The following CTNND2 variants were observed in gnomAD, a reference collection of about 807,000 sequenced individuals.
CTNND2 encodes the protein catenin delta-2.
A neutral mutation model predicts 144.4 loss-of-function variants in CTNND2; 22 were observed. The ratio of observed to expected loss-of-function variants is 0.15; its 90% CI spans 0.11 to 0.22. The LOEUF is 0.22. CTNND2 is among the 10% of genes least tolerant of loss of function. The pLI, the probability that CTNND2 is intolerant of heterozygous loss-of-function variation, is 1.00. For synonymous variants in CTNND2, 751 were observed against 695.6 expected, an observed-to-expected ratio of 1.08 and a Z score of -1.25; for missense variants, 1,353 against 1,618.8, an observed-to-expected ratio of 0.84 and a Z score of 2.82.
At chr5:10,998,123 T>A (rs934909972) in intron 18 of CTNND2, among the ~76,000 whole-genome samples, 7 of 152,294 alleles carry the variant, frequency 4.6e-5, no homozygotes, top group Middle Eastern at 6.8e-3. Flanking sequence ...ACTCAAAAAA[T>A]TTTCAAATCC....
intron 1 of CTNND2, among the ~76,000 whole-genome samples, chr5:11,858,975 T>G (rs758832295): frequency 1.3e-5 from 2 of 152,186 alleles, no homozygotes; most frequent in Non-Finnish European, 2.9e-5. Flanking sequence ...CTAGCTAATA[T>G]GTCACAAACT....
chr5:11,731,558 A>G (rs967717001), intron 2 of CTNND2, among the ~76,000 whole-genome samples: 15 of 152,216 alleles, frequency 9.9e-5, no homozygotes, highest in Admixed American at 5.9e-4. Context: ...CATGACTTTT[A>G]TAAAGTGACG....
At chr5:11,602,455 G>T (rs1040310186) in intron 2 of CTNND2, among the ~76,000 whole-genome samples, 1 of 151,654 alleles carries the variant, frequency 6.6e-6, no homozygotes, top group African/African-American at 2.4e-5. Flanking sequence ...CCTCTTGGCA[G>T]TTGAAGCAAG....
At chr5:11,228,634 C>G (rs889933644) in intron 10 of CTNND2, among the ~76,000 whole-genome samples, 4 of 151,874 alleles carry the variant, frequency 2.6e-5, no homozygotes, top group African/African-American at 9.7e-5. Context: ...TACAGTGGGG[C>G]ACCACCATGC....
intron 18 of CTNND2, among the ~76,000 whole-genome samples, chr5:11,009,556 G>C (rs2149522445): frequency 6.6e-6 from 1 of 152,364 alleles, no homozygotes; most frequent in African/African-American, 2.4e-5. Context: ...TAAGTGAGAA[G>C]AATGGATGTA....
intron 7 of CTNND2, among the ~76,000 whole-genome samples, chr5:11,377,572 A>G (rs990042064): frequency 6.6e-6 from 1 of 152,190 alleles, no homozygotes; most frequent in African/African-American, 2.4e-5. Context: ...CTTTCACAGA[A>G]TTCTATATAA....
At chr5:11,198,921 C>A (rs7719470) in intron 11 of CTNND2, among the ~76,000 whole-genome samples, 5,077 of 152,332 alleles carry the variant, frequency 0.033, 134 homozygotes, top group South Asian at 0.053. Flanking sequence ...CTCCATTTTA[C>A]TAAGCCCAAA....
intron 2 of CTNND2, among the ~76,000 whole-genome samples, chr5:11,704,552 G>A (rs1292338041): frequency 6.6e-6 from 1 of 152,120 alleles, no homozygotes; most frequent in African/African-American, 2.4e-5. Flanking sequence ...AGTTTCCAGA[G>A]GATGTTCTAG....
At chr5:11,859,378 G>A (rs1795398312) in intron 1 of CTNND2, among the ~76,000 whole-genome samples, 1 of 152,128 alleles carries the variant, frequency 6.6e-6, no homozygotes, top group South Asian at 2.1e-4. Context: ...ACAAAATACA[G>A]TAAATGACAA....
chr5:11,870,518 C>A (rs1027172896), intron 1 of CTNND2, among the ~76,000 whole-genome samples: 1 of 152,204 alleles, frequency 6.6e-6, no homozygotes, highest in African/African-American at 2.4e-5. Flanking sequence ...CTGCAGAATT[C>A]CCTGACTTAA....
rs775287784 is a variant in CTNND2 at position 11,117,591 on chromosome 5, G to A, written c.2160-24C>T. ...TCCTGCAAAGCAAAAGGACACGTCA[G>A]CGATCTTCACGGTTGTCACCAAAAG... On this transcript the variant is annotated intron_variant, in intron 12 of 21. Transcript: ENST00000304623. 2.6e-4 allele frequency: 409 copies of A among 1,578,470 alleles called. 1 individual carries two copies. The highest frequency in any genetic ancestry group is 3.3e-4 in the Middle Eastern group (2 of 6,002).
chr5:11,430,274 G>GTTT (rs144519157), intron 3 of CTNND2, among the ~76,000 whole-genome samples: 1 of 131,028 alleles, frequency 7.6e-6, no homozygotes, highest in Non-Finnish European at 1.6e-5. Context: ...AAAAAAAGGA[G>GTTT]TTTTTTTTTT....
chr5:11,832,466 AAACAGAAC>A (rs1440113621), intron 1 of CTNND2, among the ~76,000 whole-genome samples: 11 of 152,200 alleles, frequency 7.2e-5, no homozygotes, highest in African/African-American at 2.7e-4. Context: ...CTACTCTAAG[AAACAGAAC>A]AACACAACTA....
chr5:11,372,222 G>A (rs1460871602), intron 7 of CTNND2, among the ~76,000 whole-genome samples: 2 of 152,132 alleles, frequency 1.3e-5, no homozygotes, highest in South Asian at 2.1e-4. Context: ...CAAAATCACT[G>A]CCCAGGACAT....
chr5:11,269,590 G>C (rs1025099812), intron 9 of CTNND2, among the ~76,000 whole-genome samples: 1 of 152,168 alleles, frequency 6.6e-6, no homozygotes, highest in African/African-American at 2.4e-5. Context: ...GACATAGATT[G>C]CTATGTTTAA....
At chr5:11,549,175 G>A (rs1338281176) in intron 3 of CTNND2, among the ~76,000 whole-genome samples, 1 of 152,152 alleles carries the variant, frequency 6.6e-6, no homozygotes, top group Non-Finnish European at 1.5e-5. Flanking sequence ...ACAAGGTCTT[G>A]CTATCATCCC....
intron 18 of CTNND2, among the ~76,000 whole-genome samples, chr5:11,016,991 G>A (rs1437890017): frequency 1.3e-5 from 2 of 151,658 alleles, no homozygotes; most frequent in Non-Finnish European, 2.9e-5. Context: ...TGGCCAGGCT[G>A]GTCTCAAACT....
intron 1 of CTNND2, among the ~76,000 whole-genome samples, chr5:11,902,222 CCAA>C (rs1737958369): frequency 6.6e-6 from 1 of 152,164 alleles, no homozygotes; most frequent in Admixed American, 6.5e-5. Context: ...ACATTTTTCC[CCAA>C]CAACAGTAGG....
At chr5:11,776,653 T>A (rs1335376585) in intron 1 of CTNND2, among the ~76,000 whole-genome samples, 1 of 152,184 alleles carries the variant, frequency 6.6e-6, no homozygotes, top group African/African-American at 2.4e-5. Context: ...AAAGAGCTGA[T>A]AAGCGACTGA....
Sources: gnomAD v4.1 joint callset for allele counts (sites outside exome capture counted in the v4.1 genomes callset) on GRCh38, gnomAD v4.1.1 for gene constraint, MANE v1.5 for transcripts, NCBI Gene and HGNC (gene_info 2026-07-23, HGNC 2026-07-21) for gene names.